The following RALGPS1 variants were observed in gnomAD, a reference collection of about 807,000 sequenced individuals.
The protein encoded by RALGPS1 is Ral GEF with PH domain and SH3 binding motif 1, also known as ras-specific guanine nucleotide-releasing factor RalGPS1.
Under a neutral mutation model 78.8 loss-of-function variants are expected in RALGPS1, and 19 were observed. The ratio of observed to expected loss-of-function variants is 0.24; its 90% CI spans 0.17 to 0.35. The LOEUF (loss-of-function observed/expected upper bound fraction) is 0.35. Ranked by LOEUF, RALGPS1 falls within the 10% of genes least tolerant of loss-of-function variation. RALGPS1 has a pLI of 1.00. For missense variants in RALGPS1, 454 were observed against 688.3 expected (o/e 0.66, Z 3.81); for synonymous variants, 228 against 256.3 (o/e 0.89, Z 1.06).
chr9:127,095,881 C>A (rs534432105), intron 8 of RALGPS1, among the ~76,000 whole-genome samples: 2 of 152,206 alleles, frequency 1.3e-5, no homozygotes, highest in Non-Finnish European at 2.9e-5. Flanking sequence ...CCACCTAGAA[C>A]CTGACGGGAA....
intron 8 of RALGPS1, among the ~76,000 whole-genome samples, chr9:127,110,591 T>A (rs2054702706): frequency 6.6e-6 from 1 of 152,204 alleles, no homozygotes; most frequent in Non-Finnish European, 1.5e-5. Flanking sequence ...ACATTTCCAC[T>A]TGACTATCTG....
intron 1 of RALGPS1, among the ~76,000 whole-genome samples, chr9:126,960,838 AC>A (rs1464837899): frequency 6.6e-6 from 1 of 152,094 alleles, no homozygotes; most frequent in Non-Finnish European, 1.5e-5. Context: ...AGAAGGACAC[AC>A]CATCCTTCTG....
At chr9:127,080,481 G>T (rs1278056768) in intron 8 of RALGPS1, among the ~76,000 whole-genome samples, 1 of 152,180 alleles carries the variant, frequency 6.6e-6, no homozygotes, top group East Asian at 1.9e-4. Context: ...AAATACAAAA[G>T]GACATGCCTG....
chr9:126,974,745 A>C (rs1312947411), intron 3 of RALGPS1, among the ~76,000 whole-genome samples: 1 of 152,064 alleles, frequency 6.6e-6, no homozygotes, highest in Non-Finnish European at 1.5e-5. Context: ...GCTCAGCCCC[A>C]CTACTGGCCG....
chr9:127,126,159 C>T (rs973472451), intron 8 of RALGPS1, among the ~76,000 whole-genome samples: 1 of 149,076 alleles, frequency 6.7e-6, no homozygotes, highest in African/African-American at 2.5e-5. Flanking sequence ...CTACCCCCAA[C>T]TCCCTGCTAC....
intron 4 of RALGPS1, among the ~76,000 whole-genome samples, chr9:127,000,753 C>T (rs1020068013): frequency 4.0e-5 from 6 of 150,810 alleles, no homozygotes; most frequent in African/African-American, 9.8e-5. Flanking sequence ...GGGGCTTCGC[C>T]GTGTTGGTCA....
intron 1 of RALGPS1, among the ~76,000 whole-genome samples, chr9:126,938,223 T>A (rs765548838): frequency 1.4e-4 from 22 of 152,198 alleles, no homozygotes; most frequent in Admixed American, 2.6e-4. Context: ...GAGCCAGCTC[T>A]CTAGAAATTG....
chr9:127,152,701 A>G (rs1647380240), intron 8 of RALGPS1, among the ~76,000 whole-genome samples: 1 of 152,202 alleles, frequency 6.6e-6, no homozygotes, highest in African/African-American at 2.4e-5. Flanking sequence ...TCTGTCCATA[A>G]GTCTTAGTTG....
Position 127,213,045 on chromosome 9 carries a change from C to T in RALGPS1, c.1548C>T (p.Asp516=), listed in dbSNP as rs781269309. Residue 516 remains aspartate (D), a synonymous_variant, in exon 17 of 19, where the codon GAC becomes GAT. Coordinates refer to ENST00000259351, the MANE Select transcript of RALGPS1 (RefSeq NM_014636.3). ...ATATCTTCCAGCTGAACAACCCTGA[C>T]AAAGGTAGGCAGCAGGCCAGAGCTG... ...HPDIFQLNNP[D]KGNVYKFQTG... 1.9e-6 allele frequency: 3 copies of T among 1,614,126 alleles called. No homozygotes were observed. The highest frequency in any genetic ancestry group is 2.5e-6 in the Non-Finnish European group (3 of 1,180,054).
At chr9:127,197,938 C>G (rs893456320) in intron 13 of RALGPS1, among the ~76,000 whole-genome samples, 1 of 152,188 alleles carries the variant, frequency 6.6e-6, no homozygotes, top group Non-Finnish European at 1.5e-5. Context: ...CTGAGGAATG[C>G]CCTCTGGGAA....
chr9:127,182,346 C>G (rs1049686719), intron 11 of RALGPS1, among the ~76,000 whole-genome samples: 10 of 142,118 alleles, frequency 7.0e-5, no homozygotes, highest in Non-Finnish European at 9.2e-5. Flanking sequence ...TCCTTCCTTC[C>G]TTCCTCCCTT....
intron 1 of RALGPS1, among the ~76,000 whole-genome samples, chr9:126,961,766 A>C (rs182218963): frequency 6.6e-6 from 1 of 152,314 alleles, no homozygotes; most frequent in Admixed American, 6.5e-5. Flanking sequence ...ACTGCACTCC[A>C]GTCTGGGTGA....
At chr9:126,929,756 G>A (rs1353166844) in intron 1 of RALGPS1, among the ~76,000 whole-genome samples, 2 of 152,228 alleles carry the variant, frequency 1.3e-5, no homozygotes, top group East Asian at 3.9e-4. Flanking sequence ...GAGCCACTGT[G>A]CCCGACTGAT....
intron 7 of RALGPS1, among the ~76,000 whole-genome samples, chr9:127,061,657 T>C (rs143482675): frequency 2.2e-4 from 33 of 152,288 alleles, no homozygotes; most frequent in Non-Finnish European, 4.1e-4. Flanking sequence ...TCCAGCCCCA[T>C]CTGTGCTTGT....
chr9:126,965,455 C>T (rs1389757024), intron 2 of RALGPS1, among the ~76,000 whole-genome samples: 1 of 152,068 alleles, frequency 6.6e-6, no homozygotes, highest in Non-Finnish European at 1.5e-5. Context: ...TTTTTTACCC[C>T]ACCACTAAAC....
At chr9:126,958,142 A>AATAAATATATATATATATATATAT (rs1554765219) in intron 1 of RALGPS1, among the ~76,000 whole-genome samples, 11 of 77,080 alleles carry the variant, frequency 1.4e-4, no homozygotes, top group South Asian at 1.0e-3. Flanking sequence ...AAAAAAAAAA[A>AATAAATATATATATATATATATAT]ATATATATAT....
chr9:127,018,704 A>G (rs2045144848), intron 4 of RALGPS1, among the ~76,000 whole-genome samples: 1 of 151,722 alleles, frequency 6.6e-6, no homozygotes, highest in Non-Finnish European at 1.5e-5. Flanking sequence ...TAGCAAATAC[A>G]TAAACCAGTA....
At chr9:126,924,923 C>A (rs969471131) in intron 1 of RALGPS1, among the ~76,000 whole-genome samples, 1 of 152,080 alleles carries the variant, frequency 6.6e-6, no homozygotes, top group South Asian at 2.1e-4. Context: ...GTCGGGAGTT[C>A]AAGACTAGCC....
intron 4 of RALGPS1, among the ~76,000 whole-genome samples, chr9:126,987,226 A>G (rs149241691): frequency 8.5e-5 from 13 of 152,208 alleles, no homozygotes; most frequent in East Asian, 7.7e-4. Context: ...GACATACACC[A>G]TGGTGCCCTA....
Sources: gnomAD v4.1 joint callset for allele counts (sites outside exome capture counted in the v4.1 genomes callset) on GRCh38, gnomAD v4.1.1 for gene constraint, MANE v1.5 for transcripts, NCBI Gene and HGNC (gene_info 2026-07-23, HGNC 2026-07-21) for gene names.